Variants in EIF2B3 observed in about 807,000 individuals in gnomAD.
The protein encoded by EIF2B3 is eukaryotic translation initiation factor 2B subunit gamma.
A neutral mutation model predicts 54.1 loss-of-function variants in EIF2B3; 20 were observed. The observed-to-expected ratio is 0.37, with a 90% confidence interval of 0.26 to 0.54. EIF2B3 has a LOEUF of 0.54. Among genes scored for constraint, EIF2B3 ranks in the 20% least tolerant of loss-of-function variants. The pLI, the probability that EIF2B3 is intolerant of heterozygous loss-of-function variation, is 0.86. For missense variants in EIF2B3, 448 were observed against 547.8 expected, an observed-to-expected ratio of 0.82 and a Z score of 1.82; for synonymous variants, 153 against 188.1, an observed-to-expected ratio of 0.81 and a Z score of 1.52.
At chr1:44,945,591 G>GAA (rs10715029) in intron 3 of EIF2B3, among the ~76,000 whole-genome samples, 15 of 145,624 alleles carry the variant, frequency 1.0e-4, no homozygotes, top group Non-Finnish European at 1.8e-4. Flanking sequence ...ATCTCTTTAG[G>GAA]AAAAAAAAAA....
chr1:44,929,662 A>C (rs1273293131), intron 4 of EIF2B3, among the ~76,000 whole-genome samples: 1 of 152,218 alleles, frequency 6.6e-6, no homozygotes, highest in Non-Finnish European at 1.5e-5. Flanking sequence ...TGAGCCAGCC[A>C]TTTAACAAAA....
rs1655330443 is a variant in EIF2B3, at chr1:44,879,891, T to G, written c.902A>C (p.Tyr301Ser). 1 of 1,614,178 alleles carries G rather than the reference T, an allele frequency of 6.2e-7. No homozygotes were observed. The highest frequency in any genetic ancestry group is 8.5e-7 in the Non-Finnish European group (1 of 1,180,038). Residue 301 changes from tyrosine to serine, a missense_variant, in exon 8 of 12, where the codon TAT becomes TCT. Tyr to Ser is a moderately radical substitution (Grantham distance 144). Coordinates refer to ENST00000360403, the MANE Select transcript of EIF2B3 (RefSeq NM_020365.5). ...GAGCCCCTCTTTCATGATGTGGACA[T>G]AGCAGCGCACCTGTGATCTGGACAA... ...EDLSRSQVRC[Y>S]VHIMKEGLCS...
intron 3 of EIF2B3, among the ~76,000 whole-genome samples, chr1:44,969,005 T>C (rs1237961792): frequency 1.3e-5 from 2 of 152,202 alleles, no homozygotes; most frequent in Non-Finnish European, 2.9e-5. Context: ...GATTACTTGT[T>C]GAACATTATA....
intron 5 of EIF2B3, among the ~76,000 whole-genome samples, chr1:44,919,446 G>C (rs1178343964): frequency 6.6e-6 from 1 of 151,708 alleles, no homozygotes; most frequent in Non-Finnish European, 1.5e-5. Flanking sequence ...GTGAATAATT[G>C]TCTTATTTCT....
intron 3 of EIF2B3, among the ~76,000 whole-genome samples, chr1:44,954,488 T>C (rs887382384): frequency 6.6e-6 from 1 of 152,178 alleles, no homozygotes; most frequent in Non-Finnish European, 1.5e-5. Flanking sequence ...TATTCCCTTT[T>C]TAGCAATTGT....
intron 5 of EIF2B3, among the ~76,000 whole-genome samples, chr1:44,914,404 G>GC (rs1643579598): frequency 6.6e-6 from 1 of 151,920 alleles, no homozygotes. Context: ...CAGGTGATCC[G>GC]TCCACCTCGG....
intron 4 of EIF2B3, chr1:44,932,261 G>A (rs1643903063): frequency 6.6e-6 from 1 of 152,124 alleles, no homozygotes; most frequent in Admixed American, 6.6e-5. Flanking sequence ...TGGAGGTCCT[G>A]GCCAGCACAG....
chr1:44,870,831 T>G (rs748900720), intron 10 of EIF2B3, among the ~76,000 whole-genome samples: 113 of 152,196 alleles, frequency 7.4e-4, no homozygotes, highest in Non-Finnish European at 1.3e-3. Context: ...TTTTGTATTT[T>G]TGGTAGAGAT....
intron 11 of EIF2B3, among the ~76,000 whole-genome samples, chr1:44,853,074 G>A (rs1573674363): frequency 6.6e-6 from 1 of 152,072 alleles, no homozygotes; most frequent in East Asian, 1.9e-4. Context: ...GGAAGACTGT[G>A]AACCACAGGC....
intron 4 of EIF2B3, among the ~76,000 whole-genome samples, chr1:44,932,128 C>T (rs1408910452): frequency 1.3e-5 from 2 of 152,044 alleles, no homozygotes; most frequent in African/African-American, 2.4e-5. Flanking sequence ...CACACACACA[C>T]ACACACACAC....
intron 5 of EIF2B3, among the ~76,000 whole-genome samples, chr1:44,910,185 T>C (rs1272326680): frequency 6.6e-6 from 1 of 152,208 alleles, no homozygotes; most frequent in Non-Finnish European, 1.5e-5. Flanking sequence ...ATTAAAAACA[T>C]ATGTCTGTCA....
chr1:44,915,526 G>A (rs1383865109), intron 5 of EIF2B3, among the ~76,000 whole-genome samples: 3 of 151,314 alleles, frequency 2.0e-5, no homozygotes, highest in African/African-American at 7.3e-5. Context: ...CATGCCCAGC[G>A]AATTAAAAAA....
intron 6 of EIF2B3, among the ~76,000 whole-genome samples, chr1:44,884,483 A>C (rs987114368): frequency 6.6e-6 from 1 of 152,210 alleles, no homozygotes; most frequent in South Asian, 2.1e-4. Flanking sequence ...GGAGCTACAC[A>C]GTTCATAGTT....
chr1:44,951,031 C>G (rs1179378556), intron 3 of EIF2B3, among the ~76,000 whole-genome samples: 1 of 152,140 alleles, frequency 6.6e-6, no homozygotes, highest in African/African-American at 2.4e-5. Flanking sequence ...ATTTTCTTAT[C>G]TCTGTTTTTT....
At chr1:44,932,386 T>G (rs1302134003) in intron 4 of EIF2B3, 1 of 152,096 alleles carries the variant, frequency 6.6e-6, no homozygotes. Flanking sequence ...TCAGGCCTAG[T>G]TAGTACTTGC....
At chr1:44,923,975 G>A (rs1469989876) in intron 5 of EIF2B3, among the ~76,000 whole-genome samples, 1 of 137,286 alleles carries the variant, frequency 7.3e-6, no homozygotes, top group African/African-American at 2.8e-5. Context: ...GAGTCTCGCT[G>A]TGTCACCCAG....
At chr1:44,859,113 G>C (rs1263720744) in intron 10 of EIF2B3, among the ~76,000 whole-genome samples, 6 of 151,994 alleles carry the variant, frequency 3.9e-5, no homozygotes, top group African/African-American at 1.5e-4. Flanking sequence ...AGCTTGGGCA[G>C]CATTGTGAGA....
chr1:44,902,909 C>T (rs1040839960), intron 5 of EIF2B3, among the ~76,000 whole-genome samples: 62 of 145,544 alleles, frequency 4.3e-4, no homozygotes, highest in African/African-American at 1.4e-3. Flanking sequence ...TTTTAAATTT[C>T]GAGTAGTTCA....
chr1:44,947,727 C>A (rs1289313120), intron 3 of EIF2B3, among the ~76,000 whole-genome samples: 1 of 152,152 alleles, frequency 6.6e-6, no homozygotes, highest in Non-Finnish European at 1.5e-5. Flanking sequence ...TGGCTATGAT[C>A]CAAATCACCA....
Sources: gnomAD v4.1 joint callset for allele counts (sites outside exome capture counted in the v4.1 genomes callset) on GRCh38, gnomAD v4.1.1 for gene constraint, MANE v1.5 for transcripts, NCBI Gene and HGNC (gene_info 2026-07-23, HGNC 2026-07-21) for gene names.